The following CAST variants were observed in gnomAD, a reference collection of about 807,000 sequenced individuals.
CAST encodes the protein MIR583 host.
A neutral mutation model predicts 119.6 loss-of-function variants in CAST; 76 were observed. The ratio of observed to expected loss-of-function variants is 0.64; its 90% CI spans 0.53 to 0.77. The LOEUF (loss-of-function observed/expected upper bound fraction) is 0.77, where lower values mean the gene tolerates loss of function less well. CAST is among the 30% of genes least tolerant of loss of function. The pLI is 0.00. For synonymous variants in CAST, 319 were observed against 331.6 expected (o/e 0.96, Z 0.41); for missense variants, 953 against 946.5 (o/e 1.01, Z -0.09).
At chr5:96,514,937 G>A in the CAST span, among the ~76,000 whole-genome samples, 1 of 151,874 alleles carries the variant, frequency 6.6e-6, no homozygotes, top group Admixed American at 6.6e-5. Flanking sequence ...TTTTTAGTAG[G>A]GACAGCATCT....
intron 1 of CAST, among the ~76,000 whole-genome samples, chr5:96,532,804 C>T (rs930381445): frequency 5.9e-5 from 9 of 152,000 alleles, no homozygotes; most frequent in African/African-American, 2.2e-4. Flanking sequence ...GAGCTGAGAT[C>T]GTGCCATTGC....
At chr5:96,249,415 G>A in the CAST span, among the ~76,000 whole-genome samples, 12 of 152,182 alleles carry the variant, frequency 7.9e-5, no homozygotes, top group South Asian at 1.9e-3. Context: ...TTCTTCTTTG[G>A]CAAAGGACAT....
At chr5:96,704,012 A>T (rs1330667739) in intron 3 of CAST, among the ~76,000 whole-genome samples, 1 of 152,218 alleles carries the variant, frequency 6.6e-6, no homozygotes, top group Non-Finnish European at 1.5e-5. Flanking sequence ...AGGAGGCAGT[A>T]TAGGATTAAA....
chr5:96,072,842 A>G, the CAST span, among the ~76,000 whole-genome samples: 2 of 152,226 alleles, frequency 1.3e-5, no homozygotes, highest in African/African-American at 2.4e-5. Flanking sequence ...GTGCACACAT[A>G]TAATTTCAAG....
intron 1 of CAST, among the ~76,000 whole-genome samples, chr5:96,556,260 A>G (rs974778221): frequency 1.1e-4 from 17 of 152,374 alleles, no homozygotes; most frequent in African/African-American, 3.6e-4. Flanking sequence ...AAGATGGGGA[A>G]AAAACAGAGC....
chr5:96,530,495 C>T (rs1745671684), intron 1 of CAST, among the ~76,000 whole-genome samples: 1 of 152,090 alleles, frequency 6.6e-6, no homozygotes, highest in Non-Finnish European at 1.5e-5. Flanking sequence ...CTGGAGTCCA[C>T]AAATAAGGTC....
intron 22 of CAST, among the ~76,000 whole-genome samples, chr5:96,756,323 C>G (rs1174627995): frequency 6.6e-6 from 1 of 152,136 alleles, no homozygotes; most frequent in African/African-American, 2.4e-5. Context: ...GCCTTTACAG[C>G]TAAGAGATGG....
the CAST span, among the ~76,000 whole-genome samples, chr5:96,358,247 GTCTA>G: frequency 3.3e-5 from 5 of 152,022 alleles, no homozygotes; most frequent in African/African-American, 4.8e-5. Flanking sequence ...CTGGCTGGTG[GTCTA>G]TCTATTTTGT....
chr5:96,333,736 T>C, the CAST span, among the ~76,000 whole-genome samples: 1 of 152,118 alleles, frequency 6.6e-6, no homozygotes, highest in African/African-American at 2.4e-5. Flanking sequence ...AGCACAGTGA[T>C]TGCTCAGGGA....
intron 1 of CAST, among the ~76,000 whole-genome samples, chr5:96,622,704 T>G (rs1331141436): frequency 2.0e-5 from 3 of 152,206 alleles, no homozygotes; most frequent in Non-Finnish European, 2.9e-5. Flanking sequence ...AAGTATGTTC[T>G]GTCTCAAGAT....
chr5:96,389,332 A>G, the CAST span, among the ~76,000 whole-genome samples: 1 of 152,188 alleles, frequency 6.6e-6, no homozygotes, highest in Admixed American at 6.5e-5. Context: ...TCTTTTCACT[A>G]TGTATTTATA....
intron 1 of CAST, among the ~76,000 whole-genome samples, chr5:96,590,030 A>G (rs1580837028): frequency 6.6e-6 from 1 of 152,224 alleles, no homozygotes; most frequent in African/African-American, 2.4e-5. Context: ...AGCACTTACA[A>G]TTTGAAACAG....
chr5:96,334,416 G>A, the CAST span, among the ~76,000 whole-genome samples: 1 of 152,264 alleles, frequency 6.6e-6, no homozygotes, highest in East Asian at 1.9e-4. Context: ...ACTTGGGTGA[G>A]GTGGCCTGGT....
the CAST span, among the ~76,000 whole-genome samples, chr5:96,280,139 T>G: frequency 6.6e-6 from 1 of 152,236 alleles, no homozygotes; most frequent in East Asian, 1.9e-4. Flanking sequence ...TCAGGCCTAC[T>G]GGTGCCATAA....
At chr5:96,250,216 CAG>C in the CAST span, among the ~76,000 whole-genome samples, 1 of 152,096 alleles carries the variant, frequency 6.6e-6, no homozygotes, top group Non-Finnish European at 1.5e-5. Context: ...TTGCAAGTAA[CAG>C]AGATCACCAA....
At chr5:95,978,822 A>G in the CAST span, among the ~76,000 whole-genome samples, 1 of 152,208 alleles carries the variant, frequency 6.6e-6, no homozygotes, top group Admixed American at 6.5e-5. Flanking sequence ...GGTACACTTA[A>G]CAAAATCAGG....
At chr5:96,659,225 G>A (rs2150206318), upstream of CAST, among the ~76,000 whole-genome samples, 1 of 152,290 alleles carries the variant, frequency 6.6e-6, no homozygotes, top group Middle Eastern at 3.4e-3. Flanking sequence ...CCAAAATGTG[G>A]GTAGACATGA....
chr5:96,414,649 C>T, the CAST span, among the ~76,000 whole-genome samples: 1 of 152,176 alleles, frequency 6.6e-6, no homozygotes, highest in African/African-American at 2.4e-5. Flanking sequence ...TCTACACTGC[C>T]ACAAACTTGC....
At chr5:96,653,734 T>C (rs1403671257) in intron 1 of CAST, among the ~76,000 whole-genome samples, 1 of 152,200 alleles carries the variant, frequency 6.6e-6, no homozygotes, top group Admixed American at 6.5e-5. Context: ...ATATTTCATT[T>C]TGGCTTCTTT....
Sources: gnomAD v4.1 joint callset for allele counts (sites outside exome capture counted in the v4.1 genomes callset) on GRCh38, gnomAD v4.1.1 for gene constraint, MANE v1.5 for transcripts, NCBI Gene and HGNC (gene_info 2026-07-23, HGNC 2026-07-21) for gene names.